Variants in SMIM12 observed in about 807,000 individuals in gnomAD.
SMIM12 encodes UPF0767 protein C1orf212.
In SMIM12, 5 loss-of-function variants were observed where a neutral mutation model predicts 6.3. The observed-to-expected ratio is 0.80, with a 90% CI of 0.42 to 1.68. The LOEUF (loss-of-function observed/expected upper bound fraction) is 1.68, where lower values mean the gene tolerates loss of function less well. SMIM12 is among the 40% of genes most tolerant of loss of function. The pLI is 0.02. For synonymous variants in SMIM12, 51 were observed against 48.0 expected, an observed-to-expected ratio of 1.06 and a Z score of -0.26; for missense variants, 103 against 121.4, an observed-to-expected ratio of 0.85 and a Z score of 0.71.
In SMIM12 at chr1:34,855,578, T is replaced by G. The variant is rs933860429; in HGVS notation, c.*121A>C. ...AGCAGCCAGTATTTGTGTGGCTGTG[T>G]GGTGTGGGAAGGGCCAGAATAAGCA... On this transcript the variant is annotated 3_prime_UTR_variant, in exon 2 of 2. Transcript: ENST00000521580. The G allele has an allele frequency of 1.3e-5, 21 of 1,612,954 alleles. No individual in the cohort carries two copies. Among genetic ancestry groups the G allele is most frequent in the Non-Finnish European group, 1.7e-5 (20 of 1,179,888 alleles).
rs573231846 is a variant in SMIM12, at chr1:34,856,143, C to T, written c.-5-161G>A. On this transcript the variant is annotated intron_variant, in intron 1 of 1. Transcript: ENST00000521580. ...TCGCCCAGGCTGGAGTGCAGTGGCA[C>T]GATCTCAGCTCACCGCACCCTCCAC... Among the ~76,000 whole-genome samples, 9 of 147,714 alleles carry T rather than the reference C, an allele frequency of 6.1e-5. No homozygotes were observed. The East Asian group carries it at 1.2e-3, about 20-fold the overall frequency.
intron 1 of SMIM12, chr1:34,857,285 C>T (rs1638685760): frequency 6.6e-6 from 1 of 152,100 alleles, no homozygotes; most frequent in South Asian, 2.1e-4. Context: ...AGTGGAATGG[C>T]CTCAGGGCCT....
chr1:34,855,503 T>G lies in SMIM12; in HGVS notation c.*196A>C, dbSNP rs1468163886. On this transcript the variant is annotated 3_prime_UTR_variant, in exon 2 of 2. Transcript: ENST00000521580. ...GGCCACCACACAACAGATGCGGCCTTCCTCTTCACTGGCCCCTCGGCTGCT... is the reference window on the plus strand; with the variant it reads ...GGCCACCACACAACAGATGCGGCCTGCCTCTTCACTGGCCCCTCGGCTGCT... The G allele has an allele frequency of 1.9e-6, 3 of 1,608,356 alleles. No individual in the cohort carries two copies. The Admixed American group carries it at 5.0e-5, about 27-fold the overall frequency.
In SMIM12 at chr1:34,855,288, T is replaced by A. The variant is rs767963895; in HGVS notation, c.*411A>T. On this transcript the variant is annotated 3_prime_UTR_variant, in exon 2 of 2. Transcript: ENST00000521580. Reference sequence around the variant, plus strand: ...GGGCAAAATAGTGAAGGGAGCCAGGTGCATATTTGAATTCTTTCCAGTGCA... The same window carrying A: ...GGGCAAAATAGTGAAGGGAGCCAGGAGCATATTTGAATTCTTTCCAGTGCA... 39 of 1,378,226 alleles carry A rather than the reference T, an allele frequency of 2.8e-5. No individual in the cohort carries two copies. Among genetic ancestry groups the A allele is most frequent in the Non-Finnish European group, 3.7e-5 (38 of 1,029,286 alleles). 85.4% of individuals were successfully genotyped at this position (1,378,226 alleles called of 1,614,324 possible).
chr1:34,856,781 A>G (rs1056779971), intron 1 of SMIM12: 2 of 152,254 alleles, frequency 1.3e-5, no homozygotes, highest in Non-Finnish European at 2.9e-5. Flanking sequence ...AGTCAAATAC[A>G]TAATGCATTA....
rs1638572009 is a variant in SMIM12, at chr1:34,854,362, A to C, written c.*1337T>G. ...CAAGGCCGGAGGATCACTTGAGCCCAGGAGTTTGAGACTAGCCTGGGCAAC... is the reference window on the plus strand; with the variant it reads ...CAAGGCCGGAGGATCACTTGAGCCCCGGAGTTTGAGACTAGCCTGGGCAAC... On this transcript the variant is annotated 3_prime_UTR_variant, in exon 2 of 2. Coordinates refer to ENST00000521580, the MANE Select transcript of SMIM12 (RefSeq NM_138428.6). The C allele has an allele frequency of 6.6e-6, 1 of 152,282 alleles. No homozygotes were observed. Among genetic ancestry groups the C allele is most frequent in the Admixed American group, 6.5e-5 (1 of 15,274 alleles). 9.4% of individuals were successfully genotyped at this position (152,282 alleles called of 1,614,324 possible). A position where few individuals can be genotyped will look rare whatever the true frequency, so the allele number is the denominator to read the frequency against.
At position 34,855,650 on chromosome 1, in the gene SMIM12, C is replaced by G; in HGVS notation, c.*49G>C. ...TTCTGGGGCTCTGTCAACATGGTAG[C>G]AGGACAAGTCACCACCCACAGTAGG... On this transcript the variant is annotated 3_prime_UTR_variant, in exon 2 of 2. Transcript: ENST00000521580. 1.2e-6 allele frequency: 2 copies of G among 1,613,848 alleles called. No homozygotes were observed. Among genetic ancestry groups the G allele is most frequent in the Admixed American group, 1.7e-5 (1 of 60,022 alleles).
At position 34,854,580 on chromosome 1, in the gene SMIM12, T is replaced by G. The variant is rs1638580175; in HGVS notation, c.*1119A>C. 6.6e-6 allele frequency: 1 copy of G among 152,280 alleles called. No homozygotes were observed. Among genetic ancestry groups the G allele is most frequent in the African/African-American group, 2.4e-5 (1 of 41,364 alleles). The allele number at this position is 152,280 out of a possible 1,614,324, so 9.4% of individuals were successfully genotyped here. A position where few individuals can be genotyped will look rare whatever the true frequency, so the allele number is the denominator to read the frequency against. ...TGAGACCCTGTCTCCAAAAAACCAATTATGATGACCATGTAAAATGGGAAA... is the reference window on the plus strand; with the variant it reads ...TGAGACCCTGTCTCCAAAAAACCAAGTATGATGACCATGTAAAATGGGAAA... On this transcript the variant is annotated 3_prime_UTR_variant, in exon 2 of 2. Transcript: ENST00000521580.
Position 34,855,861 on chromosome 1 carries a change from G to A in SMIM12, c.117C>T (p.Asp39=), listed in dbSNP as rs745524688. 10 of 1,551,694 alleles carry A rather than the reference G, an allele frequency of 6.4e-6. No homozygotes were observed. The highest frequency in any genetic ancestry group is 2.0e-5 in the Admixed American group (1 of 51,000). The change falls in exon 2 of 2, where the codon GAC becomes GAT. Residue 39 remains aspartate, a synonymous_variant. Transcript: ENST00000521580. ...TCTTTTCCTCCTCCACGGGCTGGGG[G>A]TCCTTTCCCCTGATGAACCATTCCA... ...YHLEWFIRGK[D]PQPVEEEKSI...
intron 1 of SMIM12, chr1:34,859,204 G>C (rs1638746719): frequency 6.6e-6 from 1 of 152,262 alleles, no homozygotes; most frequent in African/African-American, 2.4e-5. Flanking sequence ...AAAGCATCCG[G>C]TAAAGGTCAA....
intron 1 of SMIM12, among the ~76,000 whole-genome samples, chr1:34,856,191 T>C (rs1315675543): frequency 6.6e-6 from 1 of 151,762 alleles, no homozygotes; most frequent in Non-Finnish European, 1.5e-5. Flanking sequence ...AGCAATTATC[T>C]GCCTCAGCCT....
In SMIM12 at chr1:34,854,918, T is replaced by G; in HGVS notation, c.*781A>C. ...CCTCCAGGGTTCAGTGCAACCGCAC[T>G]AGTAAAGCAGTTTCCAGGGCTCCTT... On this transcript the variant is annotated 3_prime_UTR_variant, in exon 2 of 2. Coordinates refer to ENST00000521580, the MANE Select transcript of SMIM12 (RefSeq NM_138428.6). 2.2e-6 allele frequency: 1 copy of G among 463,358 alleles called. No individual in the cohort carries two copies. The highest frequency in any genetic ancestry group is 3.3e-6 in the Non-Finnish European group (1 of 301,206). The allele number at this position is 463,358 out of a possible 1,614,324, so 28.7% of individuals were successfully genotyped here.
chr1:34,855,868 C>A lies in SMIM12; in HGVS notation c.110G>T (p.Gly37Val). 2 of 1,551,734 alleles carry A rather than the reference C, an allele frequency of 1.3e-6. No individual in the cohort carries two copies. Among genetic ancestry groups the A allele is most frequent in the African/African-American group, 2.7e-5 (2 of 73,166 alleles). The change falls in exon 2 of 2, where the codon GGA (glycine) becomes GTA (valine). Residue 37 changes from glycine (G) to valine (V), a missense_variant. Physicochemically the swap from Gly to Val is moderately radical, Grantham distance 109 (BLOSUM62 -3). Coordinates refer to ENST00000521580, the MANE Select transcript of SMIM12 (RefSeq NM_138428.6). ...VGYHLEWFIRGKDPQPVEEEK... is the reference protein window; with the variant it reads ...VGYHLEWFIRVKDPQPVEEEK... The stretch of plus-strand genomic sequence containing the variant: ...CTCCTCCACGGGCTGGGGGTCCTTT[C>A]CCCTGATGAACCATTCCAGGTGGTA...
At chr1:34,858,915 T>C (rs1478582650) in intron 1 of SMIM12, 1 of 152,162 alleles carries the variant, frequency 6.6e-6, no homozygotes, top group Non-Finnish European at 1.5e-5. Context: ...TTATGCCCTA[T>C]CCATCCAGGC....
chr1:34,852,600 GA>G lies in SMIM12; in HGVS notation c.*3098del, dbSNP rs1375736845. ...TAGCATGCTTAGAATTTTGTATAAT[GA>G]ATTATCAACACTTGAAAATCAGAAG... On this transcript the variant is annotated 3_prime_UTR_variant, in exon 2 of 2. Coordinates refer to ENST00000521580, the MANE Select transcript of SMIM12 (RefSeq NM_138428.6). The G allele has an allele frequency of 4.0e-5, 6 of 151,066 alleles. No individual in the cohort carries two copies. The highest frequency in any genetic ancestry group is 8.8e-5 in the Non-Finnish European group (6 of 67,912). The allele number at this position is 151,066 out of a possible 1,614,324, so 9.4% of individuals were successfully genotyped here. A position where few individuals can be genotyped will look rare whatever the true frequency, so the allele number is the denominator to read the frequency against.
In SMIM12 at chr1:34,852,143, G is replaced by C. The variant is rs1469361684; in HGVS notation, c.*3556C>G. On this transcript the variant is annotated 3_prime_UTR_variant, in exon 2 of 2. Coordinates refer to ENST00000521580, the MANE Select transcript of SMIM12 (RefSeq NM_138428.6). ...GCTAGAGGAAGAATTCAGTGACAAA[G>C]TGCCCTTGGAAAGGAAAGAAAAGAA... Among the ~76,000 whole-genome samples the C allele has an allele frequency of 1.0e-5, 1 of 98,756 alleles. No individual in the cohort carries two copies. Among genetic ancestry groups the C allele is most frequent in the Non-Finnish European group, 2.2e-5 (1 of 45,494 alleles). The allele number at this position is 98,756 out of a possible 152,430, so 64.8% of individuals were successfully genotyped here. A position where few individuals can be genotyped will look rare whatever the true frequency, so the allele number is the denominator to read the frequency against.
chr1:34,858,422 C>A (rs1638719260), intron 1 of SMIM12: 3 of 152,356 alleles, frequency 2.0e-5, no homozygotes, highest in Admixed American at 2.0e-4. Context: ...AAACCCTGGA[C>A]TTAGGGAGAG....
At chr1:34,856,335 C>T (rs987292040) in intron 1 of SMIM12, among the ~76,000 whole-genome samples, 2 of 152,174 alleles carry the variant, frequency 1.3e-5, no homozygotes, top group Non-Finnish European at 2.9e-5. Context: ...GCTGGAATTA[C>T]AGGCGTGAGC....
Position 34,855,548 on chromosome 1 carries a change from C to G in SMIM12, c.*151G>C, listed in dbSNP as rs1638620749. 1 of 1,612,622 alleles carries G rather than the reference C, an allele frequency of 6.2e-7. No homozygotes were observed. The highest frequency in any genetic ancestry group is 1.3e-5 in the African/African-American group (1 of 74,914). On this transcript the variant is annotated 3_prime_UTR_variant, in exon 2 of 2. Transcript: ENST00000521580. ...GCTGCTGCTGGGTCTGCCTGGCCAT[C>G]AAGGAGCAGCCAGTATTTGTGTGGC...
Sources: gnomAD v4.1 joint callset for allele counts (sites outside exome capture counted in the v4.1 genomes callset) on GRCh38, gnomAD v4.1.1 for gene constraint, MANE v1.5 for transcripts, NCBI Gene and HGNC (gene_info 2026-07-23, HGNC 2026-07-21) for gene names.